The following EML4 variants were observed in gnomAD, a reference collection of about 807,000 sequenced individuals.
EML4 encodes the protein echinoderm microtubule-associated protein-like 4.
A neutral mutation model predicts 129.0 loss-of-function variants in EML4; 72 were observed. That is an observed-to-expected ratio of 0.56 (90% CI 0.46 to 0.68). The LOEUF (loss-of-function observed/expected upper bound fraction) is 0.68, where lower values mean the gene tolerates loss of function less well. EML4 is among the 30% of genes least tolerant of loss of function. The pLI is 0.00. For synonymous variants in EML4, 532 were observed against 405.0 expected, an observed-to-expected ratio of 1.31 and a Z score of -3.77; for missense variants, 1,363 against 1,190.6, an observed-to-expected ratio of 1.14 and a Z score of -2.13.
At position 42,328,905 on chromosome 2, in the gene EML4, T is replaced by C. The variant is rs561427193; in HGVS notation, c.2361T>C (p.Ser787=). The C allele has an allele frequency of 4.3e-6, 7 of 1,611,640 alleles. No homozygotes were observed. The South Asian group carries it at 5.5e-5, about 13-fold the overall frequency. ...FQVFGVWPEG[S]DGTDINALVR... is the part of the protein sequence containing the mutation. ...TCAAAGGTGTCTGGCCAGAAGGATC[T>C]GATGGGACAGATATCAATGCACTGG... The change falls in exon 22 of 23, where the codon TCT becomes TCC. Residue 787 remains serine (S), a synonymous_variant. Transcript: ENST00000318522.
intron 1 of EML4, among the ~76,000 whole-genome samples, chr2:42,175,702 T>C (rs1425451225): frequency 1.3e-5 from 2 of 152,072 alleles, no homozygotes; most frequent in East Asian, 3.9e-4. Context: ...TTTTGCCATA[T>C]TGGCCAAGCT....
intron 1 of EML4, among the ~76,000 whole-genome samples, chr2:42,234,362 T>A (rs1674530300): frequency 6.6e-6 from 1 of 152,198 alleles, no homozygotes; most frequent in South Asian, 2.1e-4. Flanking sequence ...CAGACAGAAC[T>A]GGTTTATATT....
chr2:42,229,691 A>C (rs1234048849), intron 1 of EML4, among the ~76,000 whole-genome samples: 1 of 152,186 alleles, frequency 6.6e-6, no homozygotes, highest in Admixed American at 6.5e-5. Context: ...AAAAGCATTT[A>C]GCTCATTTGC....
intron 1 of EML4, among the ~76,000 whole-genome samples, chr2:42,216,423 A>C (rs568630853): frequency 6.6e-6 from 1 of 151,204 alleles, no homozygotes; most frequent in East Asian, 2.0e-4. Context: ...TTGTGTTTTT[A>C]GTAGAGACGG....
chr2:42,225,427 T>C (rs905135516), intron 1 of EML4, among the ~76,000 whole-genome samples: 1 of 152,198 alleles, frequency 6.6e-6, no homozygotes, highest in East Asian at 1.9e-4. Flanking sequence ...ATAATTTGTA[T>C]ATCTTCTTTA....
intron 19 of EML4, among the ~76,000 whole-genome samples, chr2:42,318,026 A>C (rs1292260180): frequency 6.6e-6 from 1 of 152,264 alleles, no homozygotes; most frequent in Non-Finnish European, 1.5e-5. Flanking sequence ...TTATAATTAT[A>C]GAATGAAAAT....
chr2:42,241,826 C>G (rs1312682870), intron 1 of EML4, among the ~76,000 whole-genome samples: 1 of 146,878 alleles, frequency 6.8e-6, no homozygotes, highest in African/African-American at 2.6e-5. Context: ...TTAGTTTGAG[C>G]TATTTCCTCC....
At chr2:42,325,079 C>G in intron 19 of EML4, 1 of 382,236 alleles carries the variant, frequency 2.6e-6, no homozygotes, top group South Asian at 1.9e-5. Context: ...ATTCCTGATG[C>G]CTTATGCACA....
At chr2:42,319,541 G>A (rs949922504) in intron 19 of EML4, 3 of 152,278 alleles carry the variant, frequency 2.0e-5, no homozygotes, top group Admixed American at 6.5e-5. Context: ...CTAGCTTTCA[G>A]TTCTTGCTGC....
At chr2:42,267,004 A>C (rs7601905) in intron 6 of EML4, among the ~76,000 whole-genome samples, 17 of 152,048 alleles carry the variant, frequency 1.1e-4, no homozygotes, top group Admixed American at 7.2e-4. Context: ...ATGTATAGCA[A>C]ACAATGTCAT....
intron 13 of EML4, among the ~76,000 whole-genome samples, chr2:42,297,472 GGAAA>G (rs1668024044): frequency 6.6e-6 from 1 of 152,180 alleles, no homozygotes; most frequent in African/African-American, 2.4e-5. Flanking sequence ...TGCACAAACA[GGAAA>G]CAGGAAATCC....
chr2:42,222,539 A>G (rs975091029), intron 1 of EML4, among the ~76,000 whole-genome samples: 6 of 152,134 alleles, frequency 3.9e-5, no homozygotes, highest in African/African-American at 1.4e-4. Context: ...AGTAATTGGG[A>G]CAAAGACCTT....
intron 1 of EML4, among the ~76,000 whole-genome samples, chr2:42,205,884 A>G (rs959173475): frequency 6.6e-6 from 1 of 152,064 alleles, no homozygotes; most frequent in South Asian, 2.1e-4. Context: ...TTATCCACAA[A>G]TATTCTGCCA....
At chr2:42,205,503 T>C (rs745953609) in intron 1 of EML4, among the ~76,000 whole-genome samples, 4 of 151,492 alleles carry the variant, frequency 2.6e-5, no homozygotes, top group Non-Finnish European at 4.4e-5. Flanking sequence ...CTCAGTCAGC[T>C]TCCCTGGCTT....
intron 1 of EML4, among the ~76,000 whole-genome samples, chr2:42,188,783 C>T (rs1474961960): frequency 6.6e-6 from 1 of 152,140 alleles, no homozygotes; most frequent in Non-Finnish European, 1.5e-5. Flanking sequence ...ACCTTGGCTT[C>T]CCATAGGGCT....
intron 1 of EML4, among the ~76,000 whole-genome samples, chr2:42,189,784 A>G (rs1671476339): frequency 6.6e-6 from 1 of 152,188 alleles, no homozygotes; most frequent in Non-Finnish European, 1.5e-5. Flanking sequence ...TTTCCACTAT[A>G]CGATACTTTT....
intron 13 of EML4, among the ~76,000 whole-genome samples, chr2:42,299,891 G>A (rs1668183532): frequency 6.6e-6 from 1 of 152,100 alleles, no homozygotes; most frequent in African/African-American, 2.4e-5. Context: ...TTGCCATGTT[G>A]GCCAGGTTGG....
chr2:42,237,670 C>A (rs138353947), intron 1 of EML4, among the ~76,000 whole-genome samples: 1 of 152,278 alleles, frequency 6.6e-6, no homozygotes, highest in Non-Finnish European at 1.5e-5. Flanking sequence ...AGTTGATTCA[C>A]ATATTTTTGT....
At chr2:42,260,368 A>G (rs868466818) in intron 3 of EML4, among the ~76,000 whole-genome samples, 4 of 152,080 alleles carry the variant, frequency 2.6e-5, no homozygotes, top group Non-Finnish European at 2.9e-5. Context: ...GGGTTTCACC[A>G]TGTTGCCTGG....
Sources: gnomAD v4.1 joint callset for allele counts (sites outside exome capture counted in the v4.1 genomes callset) on GRCh38, gnomAD v4.1.1 for gene constraint, MANE v1.5 for transcripts, NCBI Gene and HGNC (gene_info 2026-07-23, HGNC 2026-07-21) for gene names.